CLTC: variants seen among roughly 807,000 people sequenced by gnomAD.
CLTC encodes the protein clathrin heavy chain.
CLTC carries 16 observed loss-of-function variants against 195.8 expected under a neutral mutation model. The observed-to-expected ratio is 0.08, with a 90% CI of 0.06 to 0.12. The LOEUF (loss-of-function observed/expected upper bound fraction) is 0.12, where lower values mean the gene tolerates loss of function less well. Ranked by LOEUF, CLTC falls within the 10% of genes least tolerant of loss-of-function variation. CLTC has a pLI of 1.00. For missense variants in CLTC, 796 were observed against 2,027.0 expected, an observed-to-expected ratio of 0.39 and a Z score of 11.66; for synonymous variants, 667 against 689.4, an observed-to-expected ratio of 0.97 and a Z score of 0.51.
chr17:59,696,562 G>A lies in CLTC; in HGVS notation c.*2710G>A, dbSNP rs1325197807. ...AACAAGATGACTATCAGGAAGCTAT[G>A]TGGCTTGGGGAGTTGGGACCCTCTG... On this transcript the variant is annotated 3_prime_UTR_variant, in exon 32 of 32. Coordinates refer to ENST00000269122, the MANE Select transcript of CLTC (RefSeq NM_004859.4). The A allele has an allele frequency of 4.7e-6, 1 of 212,290 alleles. No homozygotes were observed. Among genetic ancestry groups the A allele is most frequent in the African/African-American group, 2.3e-5 (1 of 44,110 alleles). The allele number at this position is 212,290 out of a possible 1,614,324, so 13.2% of individuals were successfully genotyped here.
At position 59,694,601 on chromosome 17, in the gene CLTC, G is replaced by C; in HGVS notation, c.*749G>C. 4.4e-6 allele frequency: 1 copy of C among 227,494 alleles called. No homozygotes were observed. Among genetic ancestry groups the C allele is most frequent in the Non-Finnish European group, 8.8e-6 (1 of 114,192 alleles). The allele number at this position is 227,494 out of a possible 1,614,324, so 14.1% of individuals were successfully genotyped here. A position where few individuals can be genotyped will look rare whatever the true frequency, so the allele number is the denominator to read the frequency against. On this transcript the variant is annotated 3_prime_UTR_variant, in exon 32 of 32. Coordinates refer to ENST00000269122, the MANE Select transcript of CLTC (RefSeq NM_004859.4). ...GAGCACCATGATTCCAATCTTGTGT[G>C]TGTTTACTAACCCTTCCCTGAGGTT...
rs117446882 is a variant in CLTC, at chr17:59,635,492, A to G, written c.43-8784A>G. On this transcript the variant is annotated intron_variant, in intron 1 of 31. Coordinates refer to ENST00000269122, the MANE Select transcript of CLTC (RefSeq NM_004859.4). ...TTAGTAGGCTCAAAGCAAACCTATT[A>G]CTCCTTTAATTATGTGGCGTCTGTA... is the stretch of plus-strand genomic sequence containing the variant. Among the ~76,000 whole-genome samples, 856 of 152,234 alleles carry G rather than the reference A, an allele frequency of 5.6e-3. 8 individuals carry two copies. Among genetic ancestry groups the G allele is most frequent in the Non-Finnish European group, 8.4e-3 (571 of 68,014 alleles).
At chr17:59,663,206 A>G (rs967568703) in intron 8 of CLTC, among the ~76,000 whole-genome samples, 2 of 152,250 alleles carry the variant, frequency 1.3e-5, no homozygotes, top group African/African-American at 4.8e-5. Context: ...CTCTTAGGAA[A>G]TGAATTTCCA....
Position 59,683,374 on chromosome 17 carries a change from C to A in CLTC, c.4042-13C>A. The A allele has an allele frequency of 6.2e-7, 1 of 1,604,966 alleles. No individual in the cohort carries two copies. Among genetic ancestry groups the A allele is most frequent in the Non-Finnish European group, 8.5e-7 (1 of 1,175,868 alleles). On this transcript the variant is annotated splice_polypyrimidine_tract_variant and intron_variant, in intron 25 of 31. Coordinates refer to ENST00000269122, the MANE Select transcript of CLTC (RefSeq NM_004859.4). This position sits in a 1 kb window ranked among gnomAD's most constrained non-coding sequence, Gnocchi z 6.1. ...AGACTCATATCTAAAGCAATTAAGTCTTTCTTATGCAGGTGCTAAGAGCTG... is the reference window on the plus strand; with the variant it reads ...AGACTCATATCTAAAGCAATTAAGTATTTCTTATGCAGGTGCTAAGAGCTG...
At chr17:59,658,731 C>G (rs993556468) in intron 6 of CLTC, 2 of 152,184 alleles carry the variant, frequency 1.3e-5, no homozygotes, top group African/African-American at 2.4e-5. Flanking sequence ...GGACTGGTTG[C>G]TAGAAATCTG....
intron 18 of CLTC, among the ~76,000 whole-genome samples, chr17:59,680,150 CTAAACAT>C (rs971232098): frequency 7.2e-5 from 11 of 152,160 alleles, no homozygotes; most frequent in African/African-American, 2.6e-4. Context: ...AAATAACAAA[CTAAACAT>C]TAAAGATTGC....
intron 14 of CLTC, among the ~76,000 whole-genome samples, chr17:59,669,268 T>C (rs2032794766): frequency 6.6e-6 from 1 of 152,220 alleles, no homozygotes; most frequent in Non-Finnish European, 1.5e-5. Flanking sequence ...TCATTTAGGC[T>C]TTTGAATATT....
Position 59,685,704 on chromosome 17 carries a change from G to C in CLTC, c.4723G>C (p.Asp1575His). 6.2e-7 allele frequency: 1 copy of C among 1,614,046 alleles called. No homozygotes were observed. The highest frequency in any genetic ancestry group is 8.5e-7 in the Non-Finnish European group (1 of 1,179,962). Residue 1575 changes from aspartate (D) to histidine (H), a missense_variant, in exon 30 of 32, where the codon GAT (aspartate) becomes CAT (histidine). Asp to His is a moderately conservative substitution (Grantham distance 81, BLOSUM62 -1). Around this residue, in one of 9 missense-constraint regions of CLTC, gnomAD observed 148 missense variants for 279.5 expected, o/e 0.53. Coordinates refer to ENST00000269122, the MANE Select transcript of CLTC (RefSeq NM_004859.4). The surrounding 1 kb of genome is among the most constrained non-coding windows in gnomAD (Gnocchi z 5.0). ...TGGAGCTTGTCTGTTTACCTGTTAC[G>C]ATCTTTTAAGGCCAGATGTCGTCCT... ...CFGACLFTCY[D>H]LLRPDVVLET...
chr17:59,621,755 CA>C (rs1474587482), intron 1 of CLTC, among the ~76,000 whole-genome samples: 3 of 152,054 alleles, frequency 2.0e-5, no homozygotes, highest in African/African-American at 4.8e-5. Context: ...ACAAAATGGA[CA>C]TTTTTTTTTG....
At chr17:59,652,512 G>A (rs1442183324) in intron 5 of CLTC, among the ~76,000 whole-genome samples, 1 of 152,188 alleles carries the variant, frequency 6.6e-6, no homozygotes, top group African/African-American at 2.4e-5. Context: ...AGTGGATGCT[G>A]TCTTCGCAGA....
At chr17:59,679,747 A>C (rs1055833810) in intron 18 of CLTC, among the ~76,000 whole-genome samples, 1 of 152,072 alleles carries the variant, frequency 6.6e-6, no homozygotes, top group Non-Finnish European at 1.5e-5. Context: ...GTACATTTAT[A>C]TAAGTATAAA....
intron 1 of CLTC, among the ~76,000 whole-genome samples, chr17:59,630,573 C>T (rs907026457): frequency 1.6e-4 from 24 of 152,156 alleles, no homozygotes; most frequent in African/African-American, 5.8e-4. Context: ...CAGTCCCTCT[C>T]CCATCCCCCT....
chr17:59,657,441 A>G (rs2032497883), intron 6 of CLTC, among the ~76,000 whole-genome samples: 1 of 152,178 alleles, frequency 6.6e-6, no homozygotes, highest in Admixed American at 6.6e-5. Context: ...AGTAGCTTTC[A>G]GATATTCAGT....
At chr17:59,684,831 C>T (rs2033148839) in intron 28 of CLTC, among the ~76,000 whole-genome samples, 1 of 144,644 alleles carries the variant, frequency 6.9e-6, no homozygotes, top group Non-Finnish European at 1.5e-5. Flanking sequence ...AAATCTTGCC[C>T]TCCAAATTAG....
chr17:59,695,984 C>A lies in CLTC; in HGVS notation c.*2132C>A, dbSNP rs993759395. 1 of 207,922 alleles carries A rather than the reference C, an allele frequency of 4.8e-6. No individual in the cohort carries two copies. The highest frequency in any genetic ancestry group is 9.8e-6 in the Non-Finnish European group (1 of 102,318). 12.9% of individuals were successfully genotyped at this position (207,922 alleles called of 1,614,324 possible). A position where few individuals can be genotyped will look rare whatever the true frequency, so the allele number is the denominator to read the frequency against. ...GAAAACAAGCATATATCCACAATTA[C>A]CAGAATTTTCATAGTATTCCTTTTA... On this transcript the variant is annotated 3_prime_UTR_variant, in exon 32 of 32. Transcript: ENST00000269122.
chr17:59,677,535 C>G (rs1191901796), intron 17 of CLTC, among the ~76,000 whole-genome samples: 1 of 152,150 alleles, frequency 6.6e-6, no homozygotes, highest in Admixed American at 6.5e-5. Context: ...ATACCCCTTC[C>G]GAGTGTATGG....
At chr17:59,649,614 C>G (rs2032279778) in intron 4 of CLTC, among the ~76,000 whole-genome samples, 1 of 152,152 alleles carries the variant, frequency 6.6e-6, no homozygotes, top group Non-Finnish European at 1.5e-5. Flanking sequence ...TTTGTTAGGA[C>G]ATGTGTCTCT....
rs561368603 is a variant in CLTC, at chr17:59,620,234, C to G, written c.42+61C>G. 4 of 1,580,576 alleles carry G rather than the reference C, an allele frequency of 2.5e-6. No homozygotes were observed. The East Asian group carries it at 6.7e-5, about 27-fold the overall frequency. On this transcript the variant is annotated intron_variant, in intron 1 of 31. Coordinates refer to ENST00000269122, the MANE Select transcript of CLTC (RefSeq NM_004859.4). ...AAGGTGGTAGGAAGGATGGAAGACGCTGGAGTCTGGGCCCGAGCAGTATCG... is the reference window on the plus strand; with the variant it reads ...AAGGTGGTAGGAAGGATGGAAGACGGTGGAGTCTGGGCCCGAGCAGTATCG...
At chr17:59,663,356 C>A (rs1339602156) in intron 8 of CLTC, among the ~76,000 whole-genome samples, 1 of 152,188 alleles carries the variant, frequency 6.6e-6, no homozygotes, top group East Asian at 1.9e-4. Context: ...GTGCTTAGAT[C>A]CCTCAGACAT....
Sources: allele counts gnomAD v4.1 joint callset (sites outside exome capture counted in the v4.1 genomes callset), GRCh38; gene constraint gnomAD v4.1.1; regional missense constraint gnomAD v4.1.1; non-coding constraint Gnocchi (gnomAD v3.1); transcripts MANE v1.5; gene names NCBI Gene and HGNC (gene_info 2026-07-23, HGNC 2026-07-21).